COPE: variants seen among roughly 807,000 people sequenced by gnomAD.
COPE encodes coatomer subunit epsilon.
A neutral mutation model predicts 42.1 loss-of-function variants in COPE; 19 were observed. The ratio of observed to expected loss-of-function variants is 0.45; its 90% CI spans 0.31 to 0.66. The LOEUF (loss-of-function observed/expected upper bound fraction) is 0.66, where lower values mean the gene tolerates loss of function less well. Among genes scored for constraint, COPE ranks in the 30% least tolerant of loss-of-function variants. The pLI is 0.05. For missense variants in COPE, 402 were observed against 416.1 expected (o/e 0.97, Z 0.30); for synonymous variants, 195 against 181.3 (o/e 1.08, Z -0.60).
At chr19:18,910,210 GC>G (rs1454232265) in intron 3 of COPE, among the ~76,000 whole-genome samples, 1 of 152,198 alleles carries the variant, frequency 6.6e-6, no homozygotes, top group Non-Finnish European at 1.5e-5. Context: ...CCGCCCATGG[GC>G]GTTTGACCAA....
intron 3 of COPE, among the ~76,000 whole-genome samples, chr19:18,908,466 G>C (rs1601223782): frequency 6.6e-6 from 1 of 151,560 alleles, no homozygotes; most frequent in African/African-American, 2.4e-5. Flanking sequence ...TGGGCGGATC[G>C]CTTGAGCCCA....
intron 5 of COPE, among the ~76,000 whole-genome samples, 174 bp from the exon 6 acceptor site, chr19:18,905,026 C>G (rs74936637): frequency 0.016 from 2,403 of 152,330 alleles, 69 homozygotes; most frequent in African/African-American, 0.054. Context: ...CGTCTGACCA[C>G]GTGCAGGCCC....
chr19:18,902,802 AAGGAAGG>A (rs2056719830), intron 7 of COPE, among the ~76,000 whole-genome samples: 1 of 121,860 alleles, frequency 8.2e-6, no homozygotes, highest in Non-Finnish European at 1.6e-5. Context: ...GGAAGGAAGG[AAGGAAGG>A]AAGGAAGGAA....
chr19:18,899,690 G>A lies in COPE; in HGVS notation c.916C>T (p.Pro306Ser). The change falls in exon 10 of 10, where the codon CCC becomes TCC. Residue 306 changes from proline to serine, a missense_variant. Pro to Ser is a moderately conservative substitution (Grantham distance 74). Coordinates refer to ENST00000262812, the MANE Select transcript of COPE (RefSeq NM_007263.4). Reference sequence around the variant, plus strand: ...GCTCTGGGCCAGCCTCAGGCGCTGGGAGCGTACTGTAGCACCAGCCTGTCA... The same window carrying A: ...GCTCTGGGCCAGCCTCAGGCGCTGGAAGCGTACTGTAGCACCAGCCTGTCA... Reference protein sequence around the residue: ...DFDRLVLQYAPSA With the variant: ...DFDRLVLQYASSA The A allele has an allele frequency of 4.3e-6, 7 of 1,613,582 alleles. No homozygotes were observed. Among genetic ancestry groups the A allele is most frequent in the Non-Finnish European group, 5.9e-6 (7 of 1,179,976 alleles).
chr19:18,913,204 G>A (rs1184376249), intron 1 of COPE, among the ~76,000 whole-genome samples, 158 bp from the exon 2 acceptor site: 1 of 152,096 alleles, frequency 6.6e-6, no homozygotes, highest in Admixed American at 6.6e-5. Context: ...TAGCCCGAGT[G>A]GCCTCTGCTG....
chr19:18,905,600 T>C lies in COPE; in HGVS notation c.473A>G (p.Lys158Arg), dbSNP rs760145644. 1 of 1,593,404 alleles carries C rather than the reference T, an allele frequency of 6.3e-7. No homozygotes were observed. The highest frequency in any genetic ancestry group is 1.1e-5 in the South Asian group (1 of 89,318). Residue 158 changes from lysine to arginine, a missense_variant, in exon 5 of 10, where the codon AAG (lysine) becomes AGG (arginine). By Grantham distance (26) the Lys-to-Arg change is conservative. Transcript: ENST00000262812. ...CTAMTVQILL[K>R]LDRLDLARKE... ...CCGGGCGAGGTCCAGGCGGTCCAGC[T>C]TCAGCAGGATCTGCACTGTCATGGC...
chr19:18,919,187 C>G (rs2056888548), intron 1 of COPE, 36 bp downstream of exon 1: 1 of 1,583,056 alleles, frequency 6.3e-7, no homozygotes, highest in South Asian at 1.1e-5. Context: ...CCTCCGCCTC[C>G]GCCCCCAGCG....
chr19:18,914,425 C>T (rs374989271), intron 1 of COPE, among the ~76,000 whole-genome samples: 10 of 151,972 alleles, frequency 6.6e-5, no homozygotes, highest in South Asian at 4.2e-4. Context: ...CCTATAATCC[C>T]AGCTACTCAG....
At chr19:18,900,563 G>T in intron 7 of COPE, 114 bp from the exon 8 acceptor site, 1 of 760,536 alleles carries the variant, frequency 1.3e-6, no homozygotes, top group Non-Finnish European at 2.2e-6. Context: ...GAGGTGGGGT[G>T]GGACTGACAC....
intron 2 of COPE, among the ~76,000 whole-genome samples, chr19:18,912,444 C>T (rs1318790182): frequency 2.0e-5 from 3 of 151,020 alleles, no homozygotes; most frequent in African/African-American, 7.3e-5. Flanking sequence ...GTGCCTGGCT[C>T]CTACCAATTA....
chr19:18,912,965 G>A lies in COPE; in HGVS notation c.189+19C>T, dbSNP rs749460373. On this transcript the variant is annotated intron_variant, in intron 2 of 9. Coordinates refer to ENST00000262812, the MANE Select transcript of COPE (RefSeq NM_007263.4). ...TACTCTGTTCATCACTCTTGCCCCCGGCCAAGGCCCGCACTCACCTGCGCC... is the reference window on the plus strand; with the variant it reads ...TACTCTGTTCATCACTCTTGCCCCCAGCCAAGGCCCGCACTCACCTGCGCC... 7.6e-5 allele frequency: 123 copies of A among 1,610,486 alleles called. No individual in the cohort carries two copies. Among genetic ancestry groups the A allele is most frequent in the African/African-American group, 1.2e-4 (9 of 74,888 alleles).
chr19:18,913,648 G>A (rs1311587867), intron 1 of COPE, among the ~76,000 whole-genome samples: 1 of 152,234 alleles, frequency 6.6e-6, no homozygotes, highest in Non-Finnish European at 1.5e-5. Context: ...GCTGCCCCCG[G>A]AGGCTGGCTG....
intron 3 of COPE, among the ~76,000 whole-genome samples, chr19:18,908,993 A>C (rs2056786237): frequency 6.6e-6 from 1 of 152,168 alleles, no homozygotes; most frequent in South Asian, 2.1e-4. Context: ...GCAAGACCGT[A>C]TCTCAAGAAA....
At position 18,902,756 on chromosome 19, in the gene COPE, G is replaced by GAAAGGAAGGA. The variant is rs755506365; in HGVS notation, c.735+511_735+512insTCCTTCCTTT. 1.4e-4 allele frequency among the ~76,000 whole-genome samples: 6 copies of GAAAGGAAGGA among 44,358 alleles called. 1 individual carries two copies. The highest frequency in any genetic ancestry group is 2.9e-4 in the East Asian group (1 of 3,438). 29.1% of individuals were successfully genotyped at this position (44,358 alleles called of 152,430 possible). ...AAGGAAGGAAAGGAAGGAAAGGAAG[G>GAAAGGAAGGA]AAGGAAGGAAGGGAAAGAAGGAAGG... On this transcript the variant is annotated intron_variant, in intron 7 of 9. Transcript: ENST00000262812.
At chr19:18,907,320 G>A (rs1310572733) in intron 3 of COPE, among the ~76,000 whole-genome samples, 1 of 152,130 alleles carries the variant, frequency 6.6e-6, no homozygotes, top group African/African-American at 2.4e-5. Flanking sequence ...GCAAGGACCC[G>A]AGGCCGGGAG....
intron 7 of COPE, among the ~76,000 whole-genome samples, chr19:18,901,662 C>T (rs986973570): frequency 3.9e-5 from 6 of 152,216 alleles, no homozygotes; most frequent in Admixed American, 6.5e-5. Flanking sequence ...GGCGCACTGG[C>T]GCATGTCTAT....
At chr19:18,918,456 CTT>C (rs2056879108) in intron 1 of COPE, among the ~76,000 whole-genome samples, 1 of 152,108 alleles carries the variant, frequency 6.6e-6, no homozygotes, top group Non-Finnish European at 1.5e-5. Context: ...TTTCTTTCCT[CTT>C]TAATTCTTAC....
chr19:18,914,755 CTTTTTTTT>C (rs749395912), intron 1 of COPE, among the ~76,000 whole-genome samples: 1 of 121,870 alleles, frequency 8.2e-6, no homozygotes, highest in Non-Finnish European at 1.7e-5. Context: ...AAAGCATAGT[CTTTTTTTT>C]TTTTTTTTTT....
At chr19:18,911,225 G>A in intron 2 of COPE, 154 bp from the exon 3 acceptor site, 4 of 662,776 alleles carry the variant, frequency 6.0e-6, no homozygotes, top group South Asian at 5.0e-5. Flanking sequence ...CACTGTGGAG[G>A]GTGGCATGGC....
Sources: gnomAD v4.1 joint callset for allele counts (sites outside exome capture counted in the v4.1 genomes callset) on GRCh38, gnomAD v4.1.1 for gene constraint, MANE v1.5 for transcripts, NCBI Gene and HGNC (gene_info 2026-07-23, HGNC 2026-07-21) for gene names.